ITPK1: variants seen among roughly 807,000 people sequenced by gnomAD.
The protein encoded by ITPK1 is inositol-tetrakisphosphate 1-kinase.
Under a neutral mutation model 45.3 loss-of-function variants are expected in ITPK1, and 21 were observed. That is an observed-to-expected ratio of 0.46 (90% confidence interval 0.33 to 0.67). ITPK1 has a LOEUF of 0.67. Ranked by LOEUF, ITPK1 falls within the 30% of genes least tolerant of loss-of-function variation. The pLI, the probability that ITPK1 is intolerant of heterozygous loss-of-function variation, is 0.02. For missense variants in ITPK1, 474 were observed against 573.5 expected (o/e 0.83, Z 1.77); for synonymous variants, 258 against 253.6 (o/e 1.02, Z -0.16).
chr14:93,113,958 C>G (rs1185261096), intron 2 of ITPK1, among the ~76,000 whole-genome samples: 1 of 152,228 alleles, frequency 6.6e-6, no homozygotes, highest in Non-Finnish European at 1.5e-5. Context: ...GGCTCACCTG[C>G]GCATGCCAGC....
In ITPK1 at chr14:93,042,642, G is replaced by A. The variant is rs951752137; in HGVS notation, c.121-25841C>T. On this transcript the variant is annotated intron_variant, in intron 3 of 10. Transcript: ENST00000267615. ...TGGGCCTGACAGGGCACTGGGGCTT[G>A]TGGGGTGGCTGCAGCGCTCAGAGGG... 3.3e-5 allele frequency among the ~76,000 whole-genome samples: 5 copies of A among 152,178 alleles called. No individual in the cohort carries two copies. The South Asian group carries it at 1.0e-3, about 31-fold the overall frequency.
At chr14:93,072,520 A>G (rs1435296515) in intron 3 of ITPK1, among the ~76,000 whole-genome samples, 2 of 152,160 alleles carry the variant, frequency 1.3e-5, no homozygotes, top group African/African-American at 4.8e-5. Flanking sequence ...AAAAAATAGA[A>G]TGGAAAGAGA....
intron 2 of ITPK1, among the ~76,000 whole-genome samples, chr14:93,092,375 GC>G (rs1891898445): frequency 6.6e-6 from 1 of 152,232 alleles, no homozygotes; most frequent in Non-Finnish European, 1.5e-5. Context: ...GGAGCAGGAA[GC>G]CAGGCGCTCT....
intron 3 of ITPK1, among the ~76,000 whole-genome samples, chr14:93,027,612 G>A (rs11846052): frequency 0.024 from 3,701 of 152,234 alleles, 139 homozygotes; most frequent in African/African-American, 0.085. Flanking sequence ...ACAGGGACAC[G>A]TCTACAACAT....
chr14:93,005,062 C>G (rs1163210938), intron 4 of ITPK1, among the ~76,000 whole-genome samples: 4 of 151,876 alleles, frequency 2.6e-5, no homozygotes, highest in Non-Finnish European at 5.9e-5. Context: ...CAACAGGGTC[C>G]TGAGCTGGGA....
intron 3 of ITPK1, chr14:93,070,801 T>A (rs1328412652): frequency 6.5e-6 from 1 of 153,520 alleles, no homozygotes; most frequent in Non-Finnish European, 1.5e-5. Flanking sequence ...CTGGGGCCTA[T>A]CCATAGCAAG....
Position 93,055,439 on chromosome 14 carries a change from C to A in ITPK1, c.120+21156G>T, listed in dbSNP as rs1890181809. ...ACTCTCCTTCATTTTTCTCCCAGTC[C>A]CCCTCCCCCACCTCACTCGCCACCC... On this transcript the variant is annotated intron_variant, in intron 3 of 10. Transcript: ENST00000267615. Among the ~76,000 whole-genome samples, 4 of 152,122 alleles carry A rather than the reference C, an allele frequency of 2.6e-5. No homozygotes were observed. In the South Asian group the frequency reaches 8.3e-4, roughly 32 times the overall value.
intron 3 of ITPK1, among the ~76,000 whole-genome samples, chr14:93,048,687 G>A (rs1449312974): frequency 2.6e-5 from 4 of 152,178 alleles, no homozygotes; most frequent in South Asian, 2.1e-4. Context: ...GGTGGCTCAC[G>A]CCTGTAATCC....
In ITPK1 at chr14:92,944,912, G is replaced by A. The variant is rs138253009; in HGVS notation, c.901+1419C>T. On this transcript the variant is annotated intron_variant, in intron 10 of 10. Coordinates refer to ENST00000267615, the MANE Select transcript of ITPK1 (RefSeq NM_014216.6). ...ACAGATCTCACGGTGGCTGCTCCCCGACTCCCAGGGAGAGCTCCAACGTCC... is the reference window on the plus strand; with the variant it reads ...ACAGATCTCACGGTGGCTGCTCCCCAACTCCCAGGGAGAGCTCCAACGTCC... Among the ~76,000 whole-genome samples the A allele has an allele frequency of 9.1e-3, 1,391 of 152,146 alleles. 16 individuals carry two copies. The highest frequency in any genetic ancestry group is 0.031 in the African/African-American group (1,273 of 41,504).
chr14:93,112,885 A>G (rs1320476899), intron 2 of ITPK1, among the ~76,000 whole-genome samples: 1 of 152,250 alleles, frequency 6.6e-6, no homozygotes, highest in Non-Finnish European at 1.5e-5. Context: ...TCTCTCAGCC[A>G]CTAAAGTCTC....
At chr14:93,090,009 G>C (rs532069244) in intron 2 of ITPK1, among the ~76,000 whole-genome samples, 7 of 152,168 alleles carry the variant, frequency 4.6e-5, no homozygotes, top group Admixed American at 3.9e-4. Flanking sequence ...ACACAGCTCT[G>C]CGGTGCAGGC....
At chr14:93,022,090 C>T (rs762592945) in intron 3 of ITPK1, among the ~76,000 whole-genome samples, 1 of 152,136 alleles carries the variant, frequency 6.6e-6, no homozygotes, top group Non-Finnish European at 1.5e-5. Flanking sequence ...AAAGCTACAC[C>T]CATTCAGCAA....
chr14:93,005,509 A>C (rs886968089), intron 4 of ITPK1, among the ~76,000 whole-genome samples: 1 of 152,180 alleles, frequency 6.6e-6, no homozygotes, highest in African/African-American at 2.4e-5. Context: ...TCCCAGCAGC[A>C]AAACCAACAG....
chr14:92,992,962 C>T (rs1459178051), intron 5 of ITPK1, among the ~76,000 whole-genome samples: 1 of 152,246 alleles, frequency 6.6e-6, no homozygotes, highest in African/African-American at 2.4e-5. Flanking sequence ...AAATGGTGGT[C>T]TCAGACTCCC....
In ITPK1 at chr14:92,940,538, G is replaced by A; in HGVS notation, c.*1023C>T. 1 of 1,172,562 alleles carries A rather than the reference G, an allele frequency of 8.5e-7. No homozygotes were observed. Among genetic ancestry groups the A allele is most frequent in the Non-Finnish European group, 1.1e-6 (1 of 932,968 alleles). The allele number at this position is 1,172,562 out of a possible 1,614,324, so 72.6% of individuals were successfully genotyped here. Reference sequence around the variant, plus strand: ...GGCCTGCTGGGTGAGGAGGGACCCAGCAGGTGTGAAAAGGAGTGAACCCAC... The same window carrying A: ...GGCCTGCTGGGTGAGGAGGGACCCAACAGGTGTGAAAAGGAGTGAACCCAC... On this transcript the variant is annotated 3_prime_UTR_variant, in exon 11 of 11. Transcript: ENST00000267615.
intron 2 of ITPK1, among the ~76,000 whole-genome samples, chr14:93,087,368 G>T (rs889679644): frequency 1.3e-5 from 2 of 152,150 alleles, no homozygotes; most frequent in African/African-American, 4.8e-5. Flanking sequence ...ACATCTGTAA[G>T]CCAAGAGCAG....
chr14:93,090,604 G>A (rs1052653782), intron 2 of ITPK1, among the ~76,000 whole-genome samples: 3 of 152,134 alleles, frequency 2.0e-5, no homozygotes, highest in East Asian at 1.9e-4. Flanking sequence ...CATTTGCAGG[G>A]GGTGGGCAAC....
At chr14:92,999,353 C>CA (rs1887221085) in intron 4 of ITPK1, among the ~76,000 whole-genome samples, 1 of 152,264 alleles carries the variant, frequency 6.6e-6, no homozygotes, top group African/African-American at 2.4e-5. Context: ...TGGTCAGAGA[C>CA]AAAGTCCCGG....
intron 3 of ITPK1, among the ~76,000 whole-genome samples, chr14:93,049,962 G>A (rs1025561742): frequency 6.6e-6 from 1 of 152,130 alleles, no homozygotes; most frequent in Non-Finnish European, 1.5e-5. Flanking sequence ...CCTCCAGGCA[G>A]AGGCACTTGG....
Sources: gnomAD v4.1 joint callset for allele counts (sites outside exome capture counted in the v4.1 genomes callset) on GRCh38, gnomAD v4.1.1 for gene constraint, MANE v1.5 for transcripts, NCBI Gene and HGNC (gene_info 2026-07-23, HGNC 2026-07-21) for gene names.